The following PLXDC2 variants were observed in gnomAD, a reference collection of about 807,000 sequenced individuals.
The protein encoded by PLXDC2 is plexin domain containing 2.
Under a neutral mutation model 68.9 loss-of-function variants are expected in PLXDC2, and 40 were observed. The observed-to-expected ratio is 0.58, with a 90% CI of 0.45 to 0.76. PLXDC2 has a LOEUF of 0.76. Ranked by LOEUF, PLXDC2 falls within the 30% of genes least tolerant of loss-of-function variation. PLXDC2 has a pLI of 0.00. For missense variants in PLXDC2, 644 were observed against 661.9 expected (o/e 0.97, Z 0.30); for synonymous variants, 243 against 234.2 (o/e 1.04, Z -0.34).
At chr10:20,276,777 C>G (rs1415770648) in intron 13 of PLXDC2, among the ~76,000 whole-genome samples, 1 of 152,084 alleles carries the variant, frequency 6.6e-6, no homozygotes, top group African/African-American at 2.4e-5. Context: ...TCTCTGAAAT[C>G]CCTGGCTGTG....
chr10:19,896,357 A>C (rs1051044844), intron 1 of PLXDC2, among the ~76,000 whole-genome samples: 4 of 152,212 alleles, frequency 2.6e-5, no homozygotes, highest in Non-Finnish European at 5.9e-5. Context: ...TTGAATACTA[A>C]CACAGAGCTA....
intron 1 of PLXDC2, among the ~76,000 whole-genome samples, chr10:19,848,014 C>G (rs1837042063): frequency 6.6e-6 from 1 of 152,084 alleles, no homozygotes; most frequent in African/African-American, 2.4e-5. Flanking sequence ...CAATGGAATC[C>G]CATTTTCATA....
At chr10:20,190,109 G>A (rs1349384982) in intron 9 of PLXDC2, among the ~76,000 whole-genome samples, 2 of 151,806 alleles carry the variant, frequency 1.3e-5, no homozygotes, top group African/African-American at 4.8e-5. Context: ...GTTTATAATT[G>A]CTTTTTCAAG....
At chr10:20,165,266 T>C (rs1834358802) in intron 7 of PLXDC2, among the ~76,000 whole-genome samples, 1 of 152,162 alleles carries the variant, frequency 6.6e-6, no homozygotes, top group African/African-American at 2.4e-5. Flanking sequence ...CTTTGTGCTA[T>C]CTTTTTTTTT....
chr10:19,856,635 G>A (rs925932609), intron 1 of PLXDC2, among the ~76,000 whole-genome samples: 1 of 152,108 alleles, frequency 6.6e-6, no homozygotes, highest in Non-Finnish European at 1.5e-5. Context: ...TTACATCCCT[G>A]TCTTTCCTGG....
chr10:19,872,860 C>T (rs1054762628), intron 1 of PLXDC2, among the ~76,000 whole-genome samples: 3 of 152,128 alleles, frequency 2.0e-5, no homozygotes, highest in Admixed American at 1.3e-4. Context: ...CCCTGGGACA[C>T]GCTTTTAAAT....
At chr10:19,924,377 C>T (rs904599783) in intron 1 of PLXDC2, among the ~76,000 whole-genome samples, 1 of 152,166 alleles carries the variant, frequency 6.6e-6, no homozygotes, top group Non-Finnish European at 1.5e-5. Flanking sequence ...ACCTTCACAG[C>T]CCACTCTCCT....
intron 13 of PLXDC2, among the ~76,000 whole-genome samples, chr10:20,259,456 C>G (rs1564369685): frequency 1.3e-5 from 2 of 151,964 alleles, no homozygotes; most frequent in Non-Finnish European, 2.9e-5. Flanking sequence ...AAAACAGAAC[C>G]ATTAGGCATC....
chr10:19,966,455 G>GAAAA (rs1462042772), intron 1 of PLXDC2, among the ~76,000 whole-genome samples: 1 of 22,330 alleles, frequency 4.5e-5, no homozygotes, highest in Non-Finnish European at 9.5e-5. Context: ...AAACATGTGT[G>GAAAA]TATATGTACA....
intron 1 of PLXDC2, among the ~76,000 whole-genome samples, chr10:19,910,122 G>A (rs1010689527): frequency 6.6e-6 from 1 of 151,196 alleles, no homozygotes; most frequent in Non-Finnish European, 1.5e-5. Context: ...TGACATCCAC[G>A]AACCCCAGGG....
intron 1 of PLXDC2, among the ~76,000 whole-genome samples, chr10:19,986,804 G>A (rs996816590): frequency 6.6e-6 from 1 of 152,126 alleles, no homozygotes. Flanking sequence ...GGGGAAATGC[G>A]AAAGAAAATT....
At chr10:20,221,556 C>T (rs188818157) in intron 12 of PLXDC2, among the ~76,000 whole-genome samples, 63 of 152,246 alleles carry the variant, frequency 4.1e-4, no homozygotes, top group Admixed American at 2.4e-3. Context: ...TTAAGATAAA[C>T]GGTTCTTCAA....
intron 13 of PLXDC2, among the ~76,000 whole-genome samples, chr10:20,251,308 T>C (rs1457238361): frequency 2.0e-5 from 3 of 152,230 alleles, no homozygotes; most frequent in African/African-American, 7.2e-5. Flanking sequence ...TCACATTATG[T>C]ACAAGAATGT....
rs1379158254 is a variant in PLXDC2 at position 19,869,767 on chromosome 10, G to T, written c.112+52576G>T. ...ATGCTAGAACCATAGCTATAGCTTT[G>T]TTAGTTATTATTATCTTTTTAATTT... On this transcript the variant is annotated intron_variant, in intron 1 of 13. Transcript: ENST00000377252. 2.0e-5 allele frequency among the ~76,000 whole-genome samples: 3 copies of T among 151,878 alleles called. No homozygotes were observed. In the East Asian group the frequency reaches 5.8e-4, roughly 29 times the overall value.
intron 4 of PLXDC2, among the ~76,000 whole-genome samples, chr10:20,104,574 G>C (rs765233176): frequency 2.6e-5 from 4 of 152,126 alleles, no homozygotes; most frequent in Non-Finnish European, 4.4e-5. Flanking sequence ...GCAGCAGCTA[G>C]GTTCCATGTA....
intron 13 of PLXDC2, among the ~76,000 whole-genome samples, chr10:20,256,174 C>T (rs561602513): frequency 4.0e-5 from 6 of 151,162 alleles, no homozygotes; most frequent in Non-Finnish European, 5.9e-5. Flanking sequence ...GCTCTGTTGC[C>T]GAGGCTCGGG....
chr10:19,887,641 A>C (rs1210326605), intron 1 of PLXDC2, among the ~76,000 whole-genome samples: 1 of 152,250 alleles, frequency 6.6e-6, no homozygotes. Flanking sequence ...GAGTGCATGC[A>C]TGTTCACAAG....
intron 3 of PLXDC2, among the ~76,000 whole-genome samples, chr10:20,054,950 C>T (rs181842375): frequency 6.6e-6 from 1 of 151,942 alleles, no homozygotes; most frequent in African/African-American, 2.4e-5. Flanking sequence ...ATATTTTTGC[C>T]AAACAATTGC....
chr10:20,207,626 A>G (rs1356546564), intron 9 of PLXDC2, among the ~76,000 whole-genome samples: 4 of 152,200 alleles, frequency 2.6e-5, no homozygotes, highest in Non-Finnish European at 4.4e-5. Flanking sequence ...ACATTCTTCA[A>G]TGTTTAAACA....
Sources: allele counts gnomAD v4.1 joint callset (sites outside exome capture counted in the v4.1 genomes callset), GRCh38; gene constraint gnomAD v4.1.1; transcripts MANE v1.5; gene names NCBI Gene and HGNC (gene_info 2026-07-23, HGNC 2026-07-21).